The following TTN variants were observed in gnomAD, a reference collection of about 807,000 sequenced individuals.
The protein encoded by TTN is connectin.
Under a neutral mutation model 3,223.0 loss-of-function variants are expected in TTN, and 1,525 were observed. The observed-to-expected ratio is 0.47, with a 90% CI of 0.45 to 0.49. The LOEUF is 0.49. Among genes scored for constraint, TTN ranks in the 20% least tolerant of loss-of-function variants. TTN has a pLI of 0.00. For synonymous variants in TTN, 14,094 were observed against 15,161.0 expected, an observed-to-expected ratio of 0.93 and a Z score of 5.17; for missense variants, 40,786 against 43,424.0, an observed-to-expected ratio of 0.94 and a Z score of 5.40.
rs879135883 is a variant in TTN at position 178,585,269 on chromosome 2, C to T, written c.64475G>A (p.Gly21492Glu). Residue 21492 changes from glycine to glutamate, a missense_variant, in exon 309 of 363, where the codon GGA becomes GAA. Coordinates refer to ENST00000589042, the MANE Select transcript of TTN (RefSeq NM_001267550.2). ...CCATTTACAGGTGGGATGAGGCTTT[C>T]CATACACATGGGCTTCAATTCGGAG... Reference protein sequence around the residue: ...KKLRIEAHVYGKPHPTCKWKK... With the variant: ...KKLRIEAHVYEKPHPTCKWKK... The T allele has an allele frequency of 3.1e-6, 5 of 1,613,046 alleles. No individual in the cohort carries two copies. In the African/African-American group the frequency reaches 6.7e-5, roughly 22 times the overall value.
intron 42 of TTN, 92 bp from the exon 43 acceptor site, chr2:178,764,394 T>G: frequency 1.2e-6 from 2 of 1,611,230 alleles, no homozygotes; most frequent in Non-Finnish European, 8.5e-7. Flanking sequence ...TTTATTTCAC[T>G]GCAGAGTGCT....
intron 112 of TTN, among the ~76,000 whole-genome samples, chr2:178,698,629 C>G (rs1288218059): frequency 1.3e-5 from 2 of 151,860 alleles, no homozygotes; most frequent in African/African-American, 4.8e-5. Flanking sequence ...GTCATTGGTT[C>G]CCAGGGGCTC....
chr2:178,710,794 T>C lies in TTN; in HGVS notation c.28303A>G (p.Arg9435Gly), dbSNP rs1355846496. 6.2e-7 allele frequency: 1 copy of C among 1,613,976 alleles called. No homozygotes were observed. The highest frequency in any genetic ancestry group is 1.1e-5 in the South Asian group (1 of 91,084). ...PIKVSWAKDSREIRSGGKYQI... is the reference protein window; with the variant it reads ...PIKVSWAKDSGEIRSGGKYQI... ...TACTTTCCGCCACTTCGTATTTCTC[T>C]GCTGTCTTTGGCCCAGCTGACCTTT... is the stretch of plus-strand genomic sequence containing the variant. The change falls in exon 98 of 363, where the codon AGA becomes GGA. Residue 9435 changes from arginine (R) to glycine (G), a missense_variant. Arg to Gly is a moderately radical substitution (Grantham distance 125). Transcript: ENST00000589042.
rs1704642516 is a variant in TTN at position 178,563,904 on chromosome 2, T to G, written c.82228A>C (p.Arg27410=). 1 of 1,613,716 alleles carries G rather than the reference T, an allele frequency of 6.2e-7. No homozygotes were observed. The highest frequency in any genetic ancestry group is 2.2e-5 in the East Asian group (1 of 44,834). ...GTCCAAGAGAGTCGGCTTGTCTCCCTCTTTTCAATGATGTAATGTGAAATA... is the reference window on the plus strand; with the variant it reads ...GTCCAAGAGAGTCGGCTTGTCTCCCGCTTTTCAATGATGTAATGTGAAATA... The part of the protein sequence containing the change: ...ANISHYIIEK[R]ETSRLSWTQV... Residue 27410 remains arginine, a synonymous_variant, in exon 326 of 363, where the codon AGG becomes CGG. Coordinates refer to ENST00000589042, the MANE Select transcript of TTN (RefSeq NM_001267550.2). The surrounding 1 kb of genome is among the most constrained non-coding windows in gnomAD (Gnocchi z 4.5).
intron 23 of TTN, 44 bp downstream of exon 23, chr2:178,779,185 A>G: frequency 6.2e-7 from 1 of 1,612,982 alleles, no homozygotes; most frequent in Middle Eastern, 1.7e-4. Context: ...ACCAATTTGT[A>G]TCTTTACTGT....
intron 141 of TTN, 24 bp from the exon 142 acceptor site, chr2:178,679,440 A>C: frequency 6.2e-7 from 1 of 1,610,280 alleles, no homozygotes; most frequent in East Asian, 2.2e-5. Flanking sequence ...GTTTATTGTT[A>C]AGTTCTAACT....
chr2:178,609,065 T>A, intron 273 of TTN, 143 bp downstream of exon 273: 1 of 1,293,136 alleles, frequency 7.7e-7, no homozygotes, highest in African/African-American at 1.5e-5. Context: ...AGGTGATTTC[T>A]TTTACATGGC....
At chr2:178,715,361 A>C (rs1161375729) in intron 89 of TTN, 97 bp from the exon 90 acceptor site, 1 of 1,508,678 alleles carries the variant, frequency 6.6e-7, no homozygotes, top group Admixed American at 2.3e-5. Flanking sequence ...TAGAGAGTGA[A>C]AAAAACACTT....
intron 132 of TTN, 118 bp from the exon 133 acceptor site, chr2:178,684,200 A>G (rs2070198482): frequency 7.3e-7 from 1 of 1,376,540 alleles, no homozygotes; most frequent in Non-Finnish European, 1.0e-6. Context: ...CAAACATAAA[A>G]CAACAACTGT....
At chr2:178,685,701 T>A in intron 127 of TTN, 103 bp from the exon 128 acceptor site, 1 of 1,152,738 alleles carries the variant, frequency 8.7e-7, no homozygotes, top group Non-Finnish European at 1.2e-6. Flanking sequence ...AGCAAAAGTT[T>A]AACCCTTGCC....
rs1190523795 is a variant in TTN at position 178,707,639 on chromosome 2, C to G, written c.28928G>C (p.Gly9643Ala). ...SDRCSFSFASGTAVLELRDVA... is the reference protein window; with the variant it reads ...SDRCSFSFASATAVLELRDVA... Reference sequence around the variant, plus strand: ...ATCTCTGAGTTCCAGTACAGCTGTCCCACTAGCAAAGCTGAAGCTGCATCT... The same window carrying G: ...ATCTCTGAGTTCCAGTACAGCTGTCGCACTAGCAAAGCTGAAGCTGCATCT... Residue 9643 changes from glycine to alanine, a missense_variant, in exon 100 of 363, where the codon GGG becomes GCG. By Grantham distance (60) the Gly-to-Ala change is moderately conservative. Transcript: ENST00000589042. 4.3e-6 allele frequency: 7 copies of G among 1,613,892 alleles called. No individual in the cohort carries two copies. Among genetic ancestry groups the G allele is most frequent in the Admixed American group, 1.7e-5 (1 of 59,986 alleles).
rs769351622 is a variant in TTN at position 178,542,526 on chromosome 2, A to G, written c.97230T>C (p.Asp32410=). Residue 32410 remains aspartate (D), a synonymous_variant, in exon 349 of 363, where the codon GAT becomes GAC. Transcript: ENST00000589042. ...PGPPTGPIKI[D]EIDATSITIS... ...TGGTAATTGATGTAGCATCAATTTC[A>G]TCAATCTTAATAGGTCCTGTTGGTG... The G allele has an allele frequency of 6.2e-7, 1 of 1,610,700 alleles. No individual in the cohort carries two copies. Among genetic ancestry groups the G allele is most frequent in the Non-Finnish European group, 8.5e-7 (1 of 1,177,236 alleles).
chr2:178,741,773 T>C lies in TTN; in HGVS notation c.11460A>G (p.Pro3820=). ...CATTTGACACTTCTTTGATGAAAATTGGGCCAGTGCCTTCCTTTTCGGAAT... is the reference window on the plus strand; with the variant it reads ...CATTTGACACTTCTTTGATGAAAATCGGGCCAGTGCCTTCCTTTTCGGAAT... ...KFDSEKEGTG[P]IFIKEVSNAD... The change falls in exon 48 of 363, where the codon CCA becomes CCG. Residue 3820 remains proline, a synonymous_variant. Transcript: ENST00000589042. 1 of 1,613,578 alleles carries C rather than the reference T, an allele frequency of 6.2e-7. No individual in the cohort carries two copies. Among genetic ancestry groups the C allele is most frequent in the South Asian group, 1.1e-5 (1 of 91,078 alleles).
rs1208730507 is a variant in TTN at position 178,729,148 on chromosome 2, T to C, written c.18890A>G (p.Lys6297Arg). ...CAAAACAGTAGTGGTATTTTCTATC[T>C]TCTTAATGAATGATGGTGGTTCTGT... is the stretch of plus-strand genomic sequence containing the variant. ...ALKEPPSFIK[K>R]IENTTTVLKS... Residue 6297 changes from lysine to arginine, a missense_variant, in exon 65 of 363, where the codon AAG becomes AGG. Transcript: ENST00000589042. 1.3e-6 allele frequency: 2 copies of C among 1,589,576 alleles called. No individual in the cohort carries two copies. Among genetic ancestry groups the C allele is most frequent in the African/African-American group, 1.4e-5 (1 of 74,054 alleles).
rs1019701643 is a variant in TTN at position 178,553,063 on chromosome 2, G to A, written c.89837C>T (p.Ser29946Phe). ...ACQKLQVKHV[S>F]RGTVTLLWDP... ...CCAGAGCAAAGTGACTGTGCCTCGA[G>A]AAACATGTTTAACCTGTAGTTTCTG... Residue 29946 changes from serine to phenylalanine, a missense_variant, in exon 335 of 363, where the codon TCT becomes TTT. Transcript: ENST00000589042. 1 of 1,612,610 alleles carries A rather than the reference G, an allele frequency of 6.2e-7. No individual in the cohort carries two copies. Among genetic ancestry groups the A allele is most frequent in the East Asian group, 2.2e-5 (1 of 44,820 alleles).
intron 288 of TTN, among the ~76,000 whole-genome samples, chr2:178,600,223 A>G (rs1480429371): frequency 1.3e-5 from 2 of 151,910 alleles, no homozygotes; most frequent in East Asian, 3.9e-4. Context: ...GAAGGGATAC[A>G]CAAGAAGGTG....
At position 178,602,166 on chromosome 2, in the gene TTN, C is replaced by A; in HGVS notation, c.55121-16G>T. The A allele has an allele frequency of 1.3e-6, 2 of 1,596,410 alleles. No individual in the cohort carries two copies. Among genetic ancestry groups the A allele is most frequent in the South Asian group, 2.3e-5 (2 of 88,004 alleles). On this transcript the variant is annotated splice_polypyrimidine_tract_variant and intron_variant, in intron 283 of 362. Transcript: ENST00000589042. ...TCTGGTTCCTCTGTAATACCACATA[C>A]AATTTAACAGGATTTAGCTCATATT...
At position 178,559,741 on chromosome 2, in the gene TTN, A is replaced by G; in HGVS notation, c.86391T>C (p.Thr28797=). The change falls in exon 326 of 363, where the codon ACT becomes ACC. Residue 28797 remains threonine (T), a synonymous_variant. Coordinates refer to ENST00000589042, the MANE Select transcript of TTN (RefSeq NM_001267550.2). ...AGTCTGTGGTATCAACATAAGCTCT[A>G]GTACGGAGGTCAGTGTCTGGCTTAC... ...LWSKPDTDLR[T]RAYVDTTDSR... The G allele has an allele frequency of 6.3e-7, 1 of 1,599,148 alleles. No individual in the cohort carries two copies. Among genetic ancestry groups the G allele is most frequent in the Admixed American group, 1.7e-5 (1 of 59,114 alleles).
chr2:178,688,736 A>G lies in TTN; in HGVS notation c.32138T>C (p.Val10713Ala). 2 of 1,613,848 alleles carry G rather than the reference A, an allele frequency of 1.2e-6. No individual in the cohort carries two copies. Among genetic ancestry groups the G allele is most frequent in the Admixed American group, 1.7e-5 (1 of 60,032 alleles). ...TGCGAAGGATAGTTTTTCTTCAGCAACAAATCTCTTTTCTTCTACAACAGT... is the reference window on the plus strand; with the variant it reads ...TGCGAAGGATAGTTTTTCTTCAGCAGCAAATCTCTTTTCTTCTACAACAGT... The part of the protein sequence containing the change: ...KKTVVEEKRF[V>A]AEEKLSFAVP... Residue 10713 changes from valine to alanine, a missense_variant, in exon 126 of 363, where the codon GTT (valine) becomes GCT (alanine). Transcript: ENST00000589042.
Sources: allele counts gnomAD v4.1 joint callset (sites outside exome capture counted in the v4.1 genomes callset), GRCh38; gene constraint gnomAD v4.1.1; non-coding constraint Gnocchi (gnomAD v3.1); transcripts MANE v1.5; gene names NCBI Gene and HGNC (gene_info 2026-07-23, HGNC 2026-07-21).